Variants in DLG2 observed in about 807,000 individuals in gnomAD.
The protein encoded by DLG2 is disks large homolog 2.
DLG2 carries 45 observed loss-of-function variants against 132.5 expected under a neutral mutation model. That is an observed-to-expected ratio of 0.34 (90% CI 0.27 to 0.44). The LOEUF (loss-of-function observed/expected upper bound fraction) is 0.44, where lower values mean the gene tolerates loss of function less well. Among genes scored for constraint, DLG2 ranks in the 20% least tolerant of loss-of-function variants. The pLI, the probability that DLG2 is intolerant of heterozygous loss-of-function variation, is 1.00. For synonymous variants in DLG2, 424 were observed against 419.6 expected (o/e 1.01, Z -0.13); for missense variants, 1,045 against 1,196.9 (o/e 0.87, Z 1.87).
intron 18 of DLG2, among the ~76,000 whole-genome samples, chr11:83,775,908 C>T (rs138548690): frequency 0.04 from 6,114 of 151,920 alleles, 374 homozygotes; most frequent in African/African-American, 0.14. Context: ...CTGGCTAATA[C>T]GGTGAAACCT....
chr11:83,576,082 G>T (rs983134591), intron 19 of DLG2, among the ~76,000 whole-genome samples: 1 of 152,144 alleles, frequency 6.6e-6, no homozygotes, highest in African/African-American at 2.4e-5. Context: ...AATTAAACTT[G>T]TAGGCATAAA....
intron 7 of DLG2, among the ~76,000 whole-genome samples, chr11:84,307,593 C>A (rs988030207): frequency 6.6e-6 from 1 of 151,128 alleles, no homozygotes; most frequent in Non-Finnish European, 1.5e-5. Flanking sequence ...CTACTCAGGG[C>A]CCTGAGGCAG....
intron 6 of DLG2, among the ~76,000 whole-genome samples, chr11:84,740,942 T>C (rs951904065): frequency 2.6e-5 from 4 of 151,948 alleles, no homozygotes; most frequent in South Asian, 2.1e-4. Context: ...ACTGTGGGCA[T>C]GGCCCTGGCC....
intron 3 of DLG2, among the ~76,000 whole-genome samples, chr11:85,395,076 T>A (rs1269987025): frequency 6.6e-6 from 1 of 152,234 alleles, no homozygotes; most frequent in African/African-American, 2.4e-5. Context: ...ACACTCTTAC[T>A]GACAAACTGG....
chr11:83,763,398 A>G (rs1269511996), intron 18 of DLG2, among the ~76,000 whole-genome samples: 1 of 152,138 alleles, frequency 6.6e-6, no homozygotes, highest in East Asian at 1.9e-4. Flanking sequence ...CACAAAACAG[A>G]TTTTTAATAA....
chr11:84,190,754 G>C (rs1257511795), intron 8 of DLG2, among the ~76,000 whole-genome samples: 1 of 152,166 alleles, frequency 6.6e-6, no homozygotes, highest in Admixed American at 6.6e-5. Flanking sequence ...GGGTAGTTAA[G>C]TGACCTTTTG....
intron 7 of DLG2, among the ~76,000 whole-genome samples, chr11:84,295,468 T>C (rs2098077636): frequency 6.6e-6 from 1 of 152,190 alleles, no homozygotes; most frequent in Non-Finnish European, 1.5e-5. Flanking sequence ...TAATTTTCAC[T>C]GTATTCTCTT....
At chr11:84,067,428 A>C (rs2096693245) in intron 10 of DLG2, among the ~76,000 whole-genome samples, 1 of 152,222 alleles carries the variant, frequency 6.6e-6, no homozygotes, top group Non-Finnish European at 1.5e-5. Context: ...AGAAGTTATG[A>C]AAAGGGTCTT....
intron 6 of DLG2, among the ~76,000 whole-genome samples, chr11:84,645,263 T>C (rs558671792): frequency 6.6e-6 from 1 of 152,278 alleles, no homozygotes; most frequent in Admixed American, 6.5e-5. Flanking sequence ...AAAATGGGCG[T>C]TATAATAGGT....
intron 3 of DLG2, among the ~76,000 whole-genome samples, chr11:85,501,467 T>C (rs1254949208): frequency 1.3e-5 from 2 of 152,078 alleles, no homozygotes; most frequent in Non-Finnish European, 2.9e-5. Flanking sequence ...GAAACTATCA[T>C]CAGAGTGAAC....
chr11:84,851,455 A>C (rs1035971789), intron 6 of DLG2, among the ~76,000 whole-genome samples: 3 of 151,994 alleles, frequency 2.0e-5, no homozygotes, highest in Non-Finnish European at 4.4e-5. Context: ...TTCCTGCCCA[A>C]ATTGGAGCCC....
intron 3 of DLG2, among the ~76,000 whole-genome samples, chr11:85,499,037 A>C (rs1022496111): frequency 1.3e-5 from 2 of 151,974 alleles, no homozygotes; most frequent in Non-Finnish European, 2.9e-5. Flanking sequence ...CAATTAAAAG[A>C]ACTAGAGAAG....
chr11:83,804,011 T>G (rs1170671136), intron 17 of DLG2, among the ~76,000 whole-genome samples: 1 of 152,168 alleles, frequency 6.6e-6, no homozygotes, highest in Non-Finnish European at 1.5e-5. Flanking sequence ...ATCTGGCTGT[T>G]GCCCATAATT....
chr11:84,223,456 G>C (rs979536985), intron 8 of DLG2, among the ~76,000 whole-genome samples: 1 of 152,000 alleles, frequency 6.6e-6, no homozygotes, highest in East Asian at 1.9e-4. Context: ...GTTACTTGGT[G>C]GTGGGTCACA....
chr11:84,005,217 T>G (rs1463325057), intron 11 of DLG2, among the ~76,000 whole-genome samples: 1 of 151,962 alleles, frequency 6.6e-6, no homozygotes, highest in African/African-American at 2.4e-5. Context: ...CCAACTGACA[T>G]TTGACAAAGC....
At chr11:84,607,285 A>G (rs1451618704) in intron 6 of DLG2, among the ~76,000 whole-genome samples, 1 of 152,194 alleles carries the variant, frequency 6.6e-6, no homozygotes, top group Non-Finnish European at 1.5e-5. Context: ...TCTCCACTTG[A>G]GAGTCAGAAG....
intron 3 of DLG2, among the ~76,000 whole-genome samples, chr11:85,421,516 T>C (rs1005097790): frequency 1.3e-5 from 2 of 151,776 alleles, no homozygotes; most frequent in Admixed American, 1.3e-4. Flanking sequence ...GCCTGAAATG[T>C]CTTTTTTCAC....
rs537471549 is a variant in DLG2, at chr11:85,084,579, G to C, written c.357+27082C>G. On this transcript the variant is annotated intron_variant, in intron 6 of 27. Coordinates refer to ENST00000376104, the MANE Select transcript of DLG2 (RefSeq NM_001142699.3). Reference sequence around the variant, plus strand: ...CTGATATGAGTAGTATCAACTAAAAGTGTAACCAGTCAGCATGGTTTTGAC... The same window carrying C: ...CTGATATGAGTAGTATCAACTAAAACTGTAACCAGTCAGCATGGTTTTGAC... 2.6e-5 allele frequency among the ~76,000 whole-genome samples: 4 copies of C among 151,968 alleles called. No homozygotes were observed. The South Asian group carries it at 6.2e-4, about 24-fold the overall frequency.
intron 18 of DLG2, chr11:83,682,301 C>T (rs1246228943): frequency 1.3e-5 from 13 of 985,244 alleles, no homozygotes; most frequent in Middle Eastern, 5.2e-4. Flanking sequence ...AACTCACTAG[C>T]GGAACCTGAT....
Sources: allele counts gnomAD v4.1 joint callset (sites outside exome capture counted in the v4.1 genomes callset), GRCh38; gene constraint gnomAD v4.1.1; transcripts MANE v1.5; gene names NCBI Gene and HGNC (gene_info 2026-07-23, HGNC 2026-07-21).